The following PIEZO2 variants were observed in gnomAD, a reference collection of about 807,000 sequenced individuals.
The protein encoded by PIEZO2 is piezo-type mechanosensitive ion channel component 2.
PIEZO2 carries 172 observed loss-of-function variants against 337.3 expected under a neutral mutation model. That is an observed-to-expected ratio of 0.51 (90% CI 0.45 to 0.58). The LOEUF (loss-of-function observed/expected upper bound fraction) is 0.58, where lower values mean the gene tolerates loss of function less well. Ranked by LOEUF, PIEZO2 falls within the 20% of genes least tolerant of loss-of-function variation. The pLI, the probability that PIEZO2 is intolerant of heterozygous loss-of-function variation, is 0.00. For missense variants in PIEZO2, 3,028 were observed against 3,391.3 expected, an observed-to-expected ratio of 0.89 and a Z score of 2.66; for synonymous variants, 1,251 against 1,228.5, an observed-to-expected ratio of 1.02 and a Z score of -0.38.
chr18:10,710,240 C>T (rs2035763605), intron 39 of PIEZO2, among the ~76,000 whole-genome samples: 1 of 152,212 alleles, frequency 6.6e-6, no homozygotes. Context: ...CACATAATCC[C>T]ACACAGTTGG....
At chr18:10,932,733 G>A (rs1381514828) in intron 3 of PIEZO2, among the ~76,000 whole-genome samples, 1 of 151,970 alleles carries the variant, frequency 6.6e-6, no homozygotes, top group Non-Finnish European at 1.5e-5. Flanking sequence ...GACCAGCTTG[G>A]GCAACATAGG....
chr18:10,878,481 C>A lies in PIEZO2; in HGVS notation c.330-7066G>T, dbSNP rs1370612891. ...TTACAAATAAAGTTTCAGTTATTTG[C>A]ACATGCAGATTTCATTGTCAAAATT... On this transcript the variant is annotated intron_variant, in intron 4 of 55. Coordinates refer to ENST00000674853, the MANE Select transcript of PIEZO2 (RefSeq NM_001378183.1). The surrounding 1 kb of genome is among the most constrained non-coding windows in gnomAD (Gnocchi z 4.3). 3.3e-5 allele frequency among the ~76,000 whole-genome samples: 5 copies of A among 152,246 alleles called. No homozygotes were observed. The highest frequency in any genetic ancestry group is 2.1e-4 in the South Asian group (1 of 4,812).
At position 10,707,507 on chromosome 18, in the gene PIEZO2, T is replaced by C. The variant is rs137898555; in HGVS notation, c.5588+768A>G. On this transcript the variant is annotated intron_variant, in intron 40 of 55. Transcript: ENST00000674853. This position sits in a 1 kb window ranked among gnomAD's most constrained non-coding sequence, Gnocchi z 4.2. ...CCATGAGCAGTCAAAACGAAACTTGTCTTGGATTAGGCTGTTTTCGTGTCA... is the reference window on the plus strand; with the variant it reads ...CCATGAGCAGTCAAAACGAAACTTGCCTTGGATTAGGCTGTTTTCGTGTCA... Among the ~76,000 whole-genome samples the C allele has an allele frequency of 6.6e-6, 1 of 152,276 alleles. No individual in the cohort carries two copies. The highest frequency in any genetic ancestry group is 2.4e-5 in the African/African-American group (1 of 41,562).
intron 1 of PIEZO2, among the ~76,000 whole-genome samples, chr18:11,093,312 A>AAT (rs1267853519): frequency 2.0e-5 from 3 of 152,248 alleles, no homozygotes; most frequent in African/African-American, 7.2e-5. Flanking sequence ...ATCTAACAGG[A>AAT]ATATCTTGAA....
Position 10,969,403 on chromosome 18 carries a change from G to C in PIEZO2, c.286+10132C>G, listed in dbSNP as rs1249082738. Among the ~76,000 whole-genome samples, 1 of 152,082 alleles carries C rather than the reference G, an allele frequency of 6.6e-6. No individual in the cohort carries two copies. Among genetic ancestry groups the C allele is most frequent in the Non-Finnish European group, 1.5e-5 (1 of 68,026 alleles). On this transcript the variant is annotated intron_variant, in intron 3 of 55. Transcript: ENST00000674853. The surrounding 1 kb of genome is among the most constrained non-coding windows in gnomAD (Gnocchi z 4.5). ...CATGGTGGGGAGCAGACGGGCGTGAGGATCATGACTCCCTGTTACTCATCT... is the reference window on the plus strand; with the variant it reads ...CATGGTGGGGAGCAGACGGGCGTGACGATCATGACTCCCTGTTACTCATCT...
chr18:10,808,703 T>C (rs1344879561), intron 7 of PIEZO2, among the ~76,000 whole-genome samples: 1 of 152,204 alleles, frequency 6.6e-6, no homozygotes, highest in East Asian at 1.9e-4. Flanking sequence ...AAATAACAAT[T>C]TCCTGAGTGA....
At chr18:10,961,937 A>T (rs1209182736) in intron 3 of PIEZO2, among the ~76,000 whole-genome samples, 2 of 152,210 alleles carry the variant, frequency 1.3e-5, no homozygotes, top group African/African-American at 4.8e-5. Context: ...ACATCTCACA[A>T]GCATACGCAT....
chr18:10,950,245 G>A (rs560646579), intron 3 of PIEZO2, among the ~76,000 whole-genome samples: 2 of 152,264 alleles, frequency 1.3e-5, no homozygotes, highest in African/African-American at 2.4e-5. Flanking sequence ...ACGAGACGGG[G>A]GAAAGTCAAT....
At chr18:10,882,576 A>G (rs1056550617) in intron 4 of PIEZO2, among the ~76,000 whole-genome samples, 1 of 152,178 alleles carries the variant, frequency 6.6e-6, no homozygotes, top group African/African-American at 2.4e-5. Flanking sequence ...TTTTTTATGC[A>G]AAGGTTTTCA....
chr18:10,751,743 C>T (rs532229904), intron 28 of PIEZO2, among the ~76,000 whole-genome samples: 29 of 152,166 alleles, frequency 1.9e-4, no homozygotes, highest in Non-Finnish European at 2.2e-4. Context: ...GAGACTGAGA[C>T]GCAGGCACAG....
rs1375446114 is a variant in PIEZO2 at position 10,993,086 on chromosome 18, C to T, written c.161-13426G>A. Among the ~76,000 whole-genome samples, 2 of 152,136 alleles carry T rather than the reference C, an allele frequency of 1.3e-5. No individual in the cohort carries two copies. The highest frequency in any genetic ancestry group is 2.9e-5 in the Non-Finnish European group (2 of 68,010). On this transcript the variant is annotated intron_variant, in intron 2 of 55. Transcript: ENST00000674853. The surrounding 1 kb of genome is among the most constrained non-coding windows in gnomAD (Gnocchi z 5.0). Reference sequence around the variant, plus strand: ...TGCACATTGATTTTGTATCCTGAGACTTTGCTGAAGCTGCTTATCAGCTTA... The same window carrying T: ...TGCACATTGATTTTGTATCCTGAGATTTTGCTGAAGCTGCTTATCAGCTTA...
In PIEZO2 at chr18:11,143,625, A is replaced by T. The variant is rs927941325; in HGVS notation, c.64+4900T>A. The stretch of plus-strand genomic sequence containing the variant: ...AACACACACACACACACACACACAC[A>T]CACACACACACACACTCTCTCTCTC... On this transcript the variant is annotated intron_variant, in intron 1 of 55. Transcript: ENST00000674853. This position sits in a 1 kb window ranked among gnomAD's most constrained non-coding sequence, Gnocchi z 4.9. Among the ~76,000 whole-genome samples the T allele has an allele frequency of 1.1e-4, 16 of 140,946 alleles. No homozygotes were observed. The highest frequency in any genetic ancestry group is 3.4e-4 in the African/African-American group (12 of 35,812). The allele number at this position is 140,946 out of a possible 152,430, so 92.5% of individuals were successfully genotyped here. A position where few individuals can be genotyped will look rare whatever the true frequency, so the allele number is the denominator to read the frequency against.
chr18:11,069,377 C>A lies in PIEZO2; in HGVS notation c.65-3155G>T, dbSNP rs1021156249. Among the ~76,000 whole-genome samples the A allele has an allele frequency of 6.6e-6, 1 of 152,106 alleles. No individual in the cohort carries two copies. Among genetic ancestry groups the A allele is most frequent in the African/African-American group, 2.4e-5 (1 of 41,408 alleles). On this transcript the variant is annotated intron_variant, in intron 1 of 55. Transcript: ENST00000674853. This position sits in a 1 kb window ranked among gnomAD's most constrained non-coding sequence, Gnocchi z 4.9. ...AGGGATGCAAGAATGGTTCAACATA[C>A]CTATAGCTGTCAATGTGATACACCA... is the stretch of plus-strand genomic sequence containing the variant.
chr18:10,884,678 T>G (rs2042522253), intron 4 of PIEZO2, among the ~76,000 whole-genome samples: 1 of 152,128 alleles, frequency 6.6e-6, no homozygotes. Context: ...GTGAACACAG[T>G]GCATCACATC....
At chr18:10,902,991 T>G (rs1424636601) in intron 4 of PIEZO2, among the ~76,000 whole-genome samples, 2 of 152,152 alleles carry the variant, frequency 1.3e-5, no homozygotes, top group African/African-American at 4.8e-5. Context: ...CTTCTGTTGC[T>G]CACTGATGGG....
At position 11,088,965 on chromosome 18, in the gene PIEZO2, C is replaced by G. The variant is rs537554921; in HGVS notation, c.65-22743G>C. The stretch of plus-strand genomic sequence containing the variant: ...AATGGGAATTAGCCAGGTAACCATG[C>G]AAAGAACAGTTTAAATTACCATAGA... On this transcript the variant is annotated intron_variant, in intron 1 of 55. Transcript: ENST00000674853. 3.3e-5 allele frequency among the ~76,000 whole-genome samples: 5 copies of G among 152,328 alleles called. 1 individual carries two copies. In the East Asian group the frequency reaches 5.8e-4, roughly 18 times the overall value.
chr18:10,730,750 G>A (rs1052383953), intron 36 of PIEZO2, among the ~76,000 whole-genome samples: 1 of 151,696 alleles, frequency 6.6e-6, no homozygotes. Context: ...TTTTTTAGAC[G>A]GGGTCTCCCT....
At chr18:10,723,168 T>A (rs2036393733) in intron 36 of PIEZO2, among the ~76,000 whole-genome samples, 1 of 151,974 alleles carries the variant, frequency 6.6e-6, no homozygotes, top group African/African-American at 2.4e-5. Context: ...GGTTTCTGCA[T>A]GTTGGTCAGG....
intron 12 of PIEZO2, among the ~76,000 whole-genome samples, chr18:10,796,086 C>T (rs188322882): frequency 2.0e-4 from 31 of 152,024 alleles, no homozygotes; most frequent in Non-Finnish European, 2.8e-4. Context: ...TGCTGCTGGC[C>T]GGGCTTGGTG....
Sources: allele counts gnomAD v4.1 joint callset (sites outside exome capture counted in the v4.1 genomes callset), GRCh38; gene constraint gnomAD v4.1.1; non-coding constraint Gnocchi (gnomAD v3.1); transcripts MANE v1.5; gene names NCBI Gene and HGNC (gene_info 2026-07-23, HGNC 2026-07-21).